Variants in CXADR observed in about 807,000 individuals in gnomAD.
CXADR encodes the protein coxsackievirus and adenovirus receptor.
Under a neutral mutation model 40.3 loss-of-function variants are expected in CXADR, and 20 were observed. That is an observed-to-expected ratio of 0.50 (90% CI 0.35 to 0.72). CXADR has a LOEUF of 0.72. CXADR is among the 30% of genes least tolerant of loss of function. The pLI, the probability that CXADR is intolerant of heterozygous loss-of-function variation, is 0.01. For synonymous variants in CXADR, 150 were observed against 161.3 expected (o/e 0.93, Z 0.53); for missense variants, 332 against 449.1 (o/e 0.74, Z 2.36).
At chr21:17,522,255 T>G (rs2060540570) in intron 1 of CXADR, among the ~76,000 whole-genome samples, 1 of 152,036 alleles carries the variant, frequency 6.6e-6, no homozygotes, top group Admixed American at 6.6e-5. Flanking sequence ...TTCAAGTGAT[T>G]CTCCTGCCTC....
chr21:17,564,892 G>A (rs2061182008), intron 6 of CXADR, among the ~76,000 whole-genome samples: 7 of 152,046 alleles, frequency 4.6e-5, no homozygotes. Flanking sequence ...CTGCCACCAA[G>A]CCCGGCTAAT....
chr21:17,554,060 A>C (rs2039350723), intron 3 of CXADR, among the ~76,000 whole-genome samples: 1 of 152,248 alleles, frequency 6.6e-6, no homozygotes, highest in Admixed American at 6.5e-5. Flanking sequence ...GCGAAGCAGA[A>C]GATATTTGAT....
chr21:17,551,642 TG>T, intron 2 of CXADR, 106 bp from the exon 3 acceptor site: 2 of 887,466 alleles, frequency 2.3e-6, no homozygotes, highest in Admixed American at 2.8e-5. Context: ...TTTTCTTTTC[TG>T]GGAGGGGGCG....
intron 1 of CXADR, among the ~76,000 whole-genome samples, chr21:17,527,440 C>A (rs1399362158): frequency 6.6e-6 from 1 of 152,166 alleles, no homozygotes; most frequent in Non-Finnish European, 1.5e-5. Flanking sequence ...TGATAAGCAG[C>A]CTCAATTCTT....
intron 1 of CXADR, among the ~76,000 whole-genome samples, chr21:17,534,100 ATTTTTTTTTTT>A (rs1157117899): frequency 1.7e-5 from 1 of 60,064 alleles, no homozygotes; most frequent in African/African-American, 8.9e-5. Context: ...ATATATATAT[ATTTTTTTTTTT>A]TTTTTTTTTT....
chr21:17,590,084 T>A (rs1012713604), intron 7 of CXADR, among the ~76,000 whole-genome samples: 1 of 152,118 alleles, frequency 6.6e-6, no homozygotes, highest in African/African-American at 2.4e-5. Flanking sequence ...ATTTTATATA[T>A]GTATACACAC....
the CXADR span, among the ~76,000 whole-genome samples, chr21:17,632,732 G>C: frequency 2.0e-5 from 3 of 152,146 alleles, no homozygotes; most frequent in Non-Finnish European, 2.9e-5. Flanking sequence ...AGCCGGGCGT[G>C]GGGGCAGGCG....
the CXADR span, chr21:17,604,184 C>T: frequency 8.0e-7 from 1 of 1,254,500 alleles, no homozygotes; most frequent in Non-Finnish European, 1.0e-6. Flanking sequence ...TGGCTCACGC[C>T]TGTAATCCAG....
intron 1 of CXADR, among the ~76,000 whole-genome samples, chr21:17,524,575 CAAAAAAAAAAAA>C (rs71189539): frequency 2.3e-5 from 1 of 43,836 alleles, no homozygotes; most frequent in African/African-American, 9.8e-5. Context: ...GACTCTATCT[CAAAAAAAAAAAA>C]AAAAAAAAAA....
Position 17,513,376 on chromosome 21 carries a change from A to C in CXADR, c.43+204A>C, listed in dbSNP as rs1013090467. On this transcript the variant is annotated intron_variant, in intron 1 of 6. Coordinates refer to ENST00000284878, the MANE Select transcript of CXADR (RefSeq NM_001338.5). Reference sequence around the variant, plus strand: ...GGAGCCGTCCCGTAGGGAGCCGCGCAGGGCGCGCGGAGTGCCCGGGGACGG... The same window carrying C: ...GGAGCCGTCCCGTAGGGAGCCGCGCCGGGCGCGCGGAGTGCCCGGGGACGG... 2.6e-5 allele frequency among the ~76,000 whole-genome samples: 4 copies of C among 151,110 alleles called. No homozygotes were observed. In the South Asian group the frequency reaches 8.3e-4, roughly 31 times the overall value.
chr21:17,616,699 A>T, the CXADR span, among the ~76,000 whole-genome samples: 1 of 152,154 alleles, frequency 6.6e-6, no homozygotes, highest in Non-Finnish European at 1.5e-5. Context: ...ATGTTACATT[A>T]TGCTATGTAA....
At chr21:17,537,645 A>C (rs557974001) in intron 1 of CXADR, among the ~76,000 whole-genome samples, 1 of 152,248 alleles carries the variant, frequency 6.6e-6, no homozygotes, top group African/African-American at 2.4e-5. Flanking sequence ...GGATAGGTTA[A>C]AAACACAGAA....
intron 1 of CXADR, among the ~76,000 whole-genome samples, chr21:17,535,221 A>G (rs1461634877): frequency 1.3e-5 from 2 of 152,212 alleles, no homozygotes; most frequent in South Asian, 2.1e-4. Flanking sequence ...TCAGCTTCCC[A>G]GGCTCAAGTG....
the CXADR span, among the ~76,000 whole-genome samples, chr21:17,622,493 T>C: frequency 3.9e-5 from 6 of 152,310 alleles, no homozygotes; most frequent in South Asian, 1.2e-3. Context: ...ATATAATGCA[T>C]ATATGTATAT....
intron 6 of CXADR, among the ~76,000 whole-genome samples, chr21:17,564,201 A>G (rs1163871597): frequency 6.6e-6 from 1 of 151,162 alleles, no homozygotes; most frequent in African/African-American, 2.4e-5. Flanking sequence ...AGTCCCTGAT[A>G]TAAAATGGCG....
the CXADR span, chr21:17,609,143 A>AT: frequency 3.7e-6 from 6 of 1,602,656 alleles, no homozygotes; most frequent in Non-Finnish European, 4.2e-6. Flanking sequence ...TTCATTCTTC[A>AT]TTTTTTTCCC....
the CXADR span, among the ~76,000 whole-genome samples, chr21:17,608,167 A>C: frequency 6.6e-6 from 1 of 152,062 alleles, no homozygotes; most frequent in African/African-American, 2.4e-5. Context: ...GGAGTTTGAA[A>C]CTCACCTGGG....
At chr21:17,542,244 G>A (rs891006107) in intron 1 of CXADR, among the ~76,000 whole-genome samples, 16 of 152,120 alleles carry the variant, frequency 1.1e-4, no homozygotes, top group African/African-American at 3.9e-4. Flanking sequence ...ATTGCCAGAA[G>A]GAAAAGATCA....
the CXADR span, chr21:17,604,088 G>A: frequency 1.5e-4 from 181 of 1,240,522 alleles, no homozygotes; most frequent in Non-Finnish European, 1.8e-4. Context: ...ATTAGGAGAT[G>A]TGAAAAATAA....
Sources: allele counts gnomAD v4.1 joint callset (sites outside exome capture counted in the v4.1 genomes callset), GRCh38; gene constraint gnomAD v4.1.1; transcripts MANE v1.5; gene names NCBI Gene and HGNC (gene_info 2026-07-23, HGNC 2026-07-21).